Variants in ZNF622 observed in about 807,000 individuals in gnomAD.
ZNF622 encodes the protein zinc finger protein 622.
A neutral mutation model predicts 49.7 loss-of-function variants in ZNF622; 34 were observed. That is an observed-to-expected ratio of 0.68 (90% confidence interval 0.52 to 0.91). The LOEUF is 0.91. Ranked by LOEUF, ZNF622 falls within the 40% of genes least tolerant of loss-of-function variation. The pLI is 0.00. For synonymous variants in ZNF622, 209 were observed against 228.7 expected (o/e 0.91, Z 0.78); for missense variants, 569 against 616.4 (o/e 0.92, Z 0.81).
intron 4 of ZNF622, among the ~76,000 whole-genome samples, chr5:16,458,255 TAAAAA>T (rs55760045): frequency 8.4e-6 from 1 of 119,304 alleles, no homozygotes. Flanking sequence ...GGTCTACATC[TAAAAA>T]AAAAAAAAAA....
Position 16,464,948 on chromosome 5 carries a change from A to AAC in ZNF622, c.625+91_625+92dup, listed in dbSNP as rs910376060. On this transcript the variant is annotated intron_variant, in intron 1 of 5. Coordinates refer to ENST00000308683, the MANE Select transcript of ZNF622 (RefSeq NM_033414.3). ...CATCATTTTTACTTAAAAGCTCTCA[A>AAC]ACACACACACACACCCATCTCGAGT... The AAC allele has an allele frequency of 3.1e-4, 451 of 1,454,340 alleles. No homozygotes were observed. In the East Asian group the frequency reaches 6.2e-3, roughly 20 times the overall value. The allele number at this position is 1,454,340 out of a possible 1,614,324, so 90.1% of individuals were successfully genotyped here. A position where few individuals can be genotyped will look rare whatever the true frequency, so the allele number is the denominator to read the frequency against.
At chr5:16,456,751 G>A (rs1001167717) in intron 4 of ZNF622, among the ~76,000 whole-genome samples, 1 of 152,142 alleles carries the variant, frequency 6.6e-6, no homozygotes, top group African/African-American at 2.4e-5. Flanking sequence ...GCTCCCAGTG[G>A]AGGAACTACA....
intron 5 of ZNF622, 83 bp downstream of exon 5, chr5:16,452,930 A>G: frequency 7.7e-7 from 1 of 1,306,538 alleles, no homozygotes; most frequent in Admixed American, 3.0e-5. Context: ...CACATGGACA[A>G]CATAAATGGA....
rs1017239794 is a variant in ZNF622, at chr5:16,463,143, A to C, written c.1014T>G (p.Asp338Glu). ...KSHCKLFTDG[D>E]AALEFADFYD... ...AGAAGTCTGCAAATTCCAAAGCAGC[A>C]TCGCCATCTGTGAAGAGCTTACAGT... Residue 338 changes from aspartate (D) to glutamate (E), a missense_variant, in exon 3 of 6, where the codon GAT (aspartate) becomes GAG (glutamate). Transcript: ENST00000308683. The surrounding 1 kb of genome is among the most constrained non-coding windows in gnomAD (Gnocchi z 4.2). 32 of 1,612,180 alleles carry C rather than the reference A, an allele frequency of 2.0e-5. 1 individual carries two copies. In the Admixed American group the frequency reaches 4.0e-4, roughly 20 times the overall value.
chr5:16,464,948 A>G, intron 1 of ZNF622, 93 bp downstream of exon 1: 1 of 1,455,522 alleles, frequency 6.9e-7, no homozygotes, highest in South Asian at 1.4e-5. Context: ...AAAGCTCTCA[A>G]ACACACACAC....
rs142981088 is a variant in ZNF622 at position 16,463,519 on chromosome 5, T to C, written c.849A>G (p.Glu283=). 5.6e-4 allele frequency: 902 copies of C among 1,613,868 alleles called. 1 individual carries two copies. Among genetic ancestry groups the C allele is most frequent in the Non-Finnish European group, 7.0e-4 (829 of 1,179,834 alleles). Residue 283 remains glutamate (E), a synonymous_variant, in exon 2 of 6, where the codon GAA becomes GAG. Transcript: ENST00000308683. The surrounding 1 kb of genome is among the most constrained non-coding windows in gnomAD (Gnocchi z 4.2). Reference sequence around the variant, plus strand: ...TCAGTCCCTTAATATCTGAAAGATATTCTATATCAGGAATAAAGAAACTGT... The same window carrying C: ...TCAGTCCCTTAATATCTGAAAGATACTCTATATCAGGAATAAAGAAACTGT... ...KDHSFFIPDI[E]YLSDIKGLIK...
rs1223274957 is a variant in ZNF622 at position 16,453,044 on chromosome 5, C to G, written c.1275G>C (p.Gln425His). ...TGCCAGTCCATCCCAGGGCTCTGTA[C>G]TGCTGAAGTACTCGGCCCACGGCCT... ...NRKAVGRVLQ[Q>H]YRALGWTGST... Residue 425 changes from glutamine to histidine, a missense_variant, in exon 5 of 6, where the codon CAG becomes CAC. By Grantham distance (24) the Gln-to-His change is conservative (BLOSUM62 0). Coordinates refer to ENST00000308683, the MANE Select transcript of ZNF622 (RefSeq NM_033414.3). 1 of 1,571,164 alleles carries G rather than the reference C, an allele frequency of 6.4e-7. No individual in the cohort carries two copies.
intron 3 of ZNF622, among the ~76,000 whole-genome samples, chr5:16,462,903 C>CT: frequency 6.6e-6 from 1 of 152,144 alleles, no homozygotes; most frequent in African/African-American, 2.4e-5. Context: ...CAGTCTGGGT[C>CT]TAAGGTCTTC....
chr5:16,464,900 A>G (rs1387306488), intron 1 of ZNF622, 141 bp downstream of exon 1: 2 of 1,262,856 alleles, frequency 1.6e-6, no homozygotes, highest in African/African-American at 3.0e-5. Flanking sequence ...GGCACTTCAG[A>G]AAGCGTCTAA....
chr5:16,453,111 C>A lies in ZNF622; in HGVS notation c.1208G>T (p.Arg403Leu), dbSNP rs1228939586. The change falls in exon 5 of 6, where the codon CGA becomes CTA. Residue 403 changes from arginine to leucine, a missense_variant. By Grantham distance (102) the Arg-to-Leu change is moderately radical. Coordinates refer to ENST00000308683, the MANE Select transcript of ZNF622 (RefSeq NM_033414.3). The stretch of plus-strand genomic sequence containing the variant: ...TGCCACAGCTCTTGACAAGCCAAAT[C>A]GCTGTTTGTAGTATCTCATCAAGGA... The part of the protein sequence containing the change: ...HRSLMRYYKQ[R>L]FGLSRAVAVA... The A allele has an allele frequency of 6.3e-6, 10 of 1,580,122 alleles. No homozygotes were observed. The highest frequency in any genetic ancestry group is 8.6e-7 in the Non-Finnish European group (1 of 1,159,850).
In ZNF622 at chr5:16,453,135, G is replaced by A. The variant is rs146106216; in HGVS notation, c.1184C>T (p.Ser395Phe). ...LPSGARVGHR[S>F]LMRYYKQRFG... ...TCGCTGTTTGTAGTATCTCATCAAG[G>A]AGCGATGACCCACTCTGGCACCTGT... Residue 395 changes from serine (S) to phenylalanine (F), a missense_variant, in exon 5 of 6, where the codon TCC becomes TTC. Ser to Phe is a radical substitution (Grantham distance 155). Transcript: ENST00000308683. The A allele has an allele frequency of 1.1e-5, 17 of 1,533,692 alleles. No homozygotes were observed. The African/African-American group carries it at 2.3e-4, about 21-fold the overall frequency.
chr5:16,463,377 A>C lies in ZNF622; in HGVS notation c.886+105T>G, dbSNP rs1738153826. ...AAAATCATTCACAAAATAACCAAGC[A>C]ATTATATCAAAGATTGATGAAAAAT... On this transcript the variant is annotated intron_variant, in intron 2 of 5. Transcript: ENST00000308683. The surrounding 1 kb of genome is among the most constrained non-coding windows in gnomAD (Gnocchi z 4.2). 6.7e-7 allele frequency: 1 copy of C among 1,502,014 alleles called. No homozygotes were observed. The highest frequency in any genetic ancestry group is 9.0e-7 in the Non-Finnish European group (1 of 1,114,046). The allele number at this position is 1,502,014 out of a possible 1,614,324, so 93.0% of individuals were successfully genotyped here.
rs780294110 is a variant in ZNF622 at position 16,451,764 on chromosome 5, G to C, written c.1327C>G (p.Arg443Gly). The change falls in exon 6 of 6, where the codon CGA (arginine) becomes GGA (glycine). Residue 443 changes from arginine (R) to glycine (G), a missense_variant. By Grantham distance (125) the Arg-to-Gly change is moderately radical. Transcript: ENST00000308683. The part of the protein sequence containing the change: ...GSTGAALMRE[R>G]DMQYVQRMKS... ...ATCCTTTGGACATACTGCATGTCTC[G>C]CTCTCGCATAAGAGCCGCTCCTATG... The C allele has an allele frequency of 6.2e-7, 1 of 1,613,514 alleles. No homozygotes were observed. The highest frequency in any genetic ancestry group is 1.3e-5 in the African/African-American group (1 of 74,900).
In ZNF622 at chr5:16,465,734, C is replaced by T. The variant is rs569887710; in HGVS notation, c.-69G>A. The T allele has an allele frequency of 1.1e-5, 16 of 1,488,616 alleles. No individual in the cohort carries two copies. In the East Asian group the frequency reaches 3.8e-4, roughly 35 times the overall value. The allele number at this position is 1,488,616 out of a possible 1,614,324, so 92.2% of individuals were successfully genotyped here. A position where few individuals can be genotyped will look rare whatever the true frequency, so the allele number is the denominator to read the frequency against. On this transcript the variant is annotated 5_prime_UTR_variant, in exon 1 of 6. Transcript: ENST00000308683. The surrounding 1 kb of genome is among the most constrained non-coding windows in gnomAD (Gnocchi z 6.2). The stretch of plus-strand genomic sequence containing the variant: ...ATCAGCGCCGTGGCCCCACAAGACC[C>T]TCAGACCTTAACCCGCCTCAGCAGC...
At chr5:16,453,559 T>TTATATATG (rs1737968651) in intron 4 of ZNF622, among the ~76,000 whole-genome samples, 1 of 67,158 alleles carries the variant, frequency 1.5e-5, no homozygotes, top group Non-Finnish European at 3.2e-5. Flanking sequence ...TAAATAAAAA[T>TTATATATG]TATATATATA....
chr5:16,456,829 A>C (rs1738034199), intron 4 of ZNF622, among the ~76,000 whole-genome samples: 1 of 152,084 alleles, frequency 6.6e-6, no homozygotes, highest in Non-Finnish European at 1.5e-5. Flanking sequence ...ACCAGATTAG[A>C]GATGACCAGA....
Position 16,465,657 on chromosome 5 carries a change from C to T in ZNF622, c.9G>A (p.Thr3=). 1 of 1,569,526 alleles carries T rather than the reference C, an allele frequency of 6.4e-7. No individual in the cohort carries two copies. Among genetic ancestry groups the T allele is most frequent in the Middle Eastern group, 1.7e-4 (1 of 5,794 alleles). Residue 3 remains threonine (T), a synonymous_variant, in exon 1 of 6, where the codon ACG becomes ACA. Transcript: ENST00000308683. The surrounding 1 kb of genome is among the most constrained non-coding windows in gnomAD (Gnocchi z 6.2). MA[T]YTCITCRVAF... ...CCACCCGGCAAGTTATGCAGGTGTACGTCGCCATTGCCAGGCGAGAAATAA... is the reference window on the plus strand; with the variant it reads ...CCACCCGGCAAGTTATGCAGGTGTATGTCGCCATTGCCAGGCGAGAAATAA...
Position 16,465,309 on chromosome 5 carries a change from G to A in ZNF622, c.357C>T (p.Gly119=), listed in dbSNP as rs746674493. The change falls in exon 1 of 6, where the codon GGC becomes GGT. Residue 119 remains glycine, a synonymous_variant. Coordinates refer to ENST00000308683, the MANE Select transcript of ZNF622 (RefSeq NM_033414.3). This position sits in a 1 kb window ranked among gnomAD's most constrained non-coding sequence, Gnocchi z 6.2. The part of the protein sequence containing the change: ...MNEKNLEKGL[G]VDSVDKDAMN... ...TGGCATCCTTGTCCACACTGTCCAC[G>A]CCCAGTCCTTTCTCCAAGTTCTTTT... 5 of 1,614,256 alleles carry A rather than the reference G, an allele frequency of 3.1e-6. No individual in the cohort carries two copies. Among genetic ancestry groups the A allele is most frequent in the Non-Finnish European group, 4.2e-6 (5 of 1,180,046 alleles).
intron 1 of ZNF622, among the ~76,000 whole-genome samples, chr5:16,464,271 T>C (rs1738174437): frequency 6.6e-6 from 1 of 151,956 alleles, no homozygotes; most frequent in Non-Finnish European, 1.5e-5. Flanking sequence ...CCTGAATAAA[T>C]GGATTAGTGC....
Sources: gnomAD v4.1 joint callset for allele counts (sites outside exome capture counted in the v4.1 genomes callset) on GRCh38, gnomAD v4.1.1 for gene constraint, Gnocchi (gnomAD v3.1) non-coding constraint, MANE v1.5 for transcripts, NCBI Gene and HGNC (gene_info 2026-07-23, HGNC 2026-07-21) for gene names.